The following JRK variants were observed in gnomAD, a reference collection of about 807,000 sequenced individuals.
JRK encodes the protein Jrk helix-turn-helix protein, also known as jerky protein homolog.
For missense variants in JRK, 720 were observed against 509.2 expected (o/e 1.41, Z -3.98); for synonymous variants, 303 against 218.1 (o/e 1.39, Z -3.43).
rs782797140 is a variant in JRK, at chr8:142,665,408, G to C, written c.651C>G (p.Thr217=). 5.6e-5 allele frequency: 40 copies of C among 717,584 alleles called. No individual in the cohort carries two copies. The highest frequency in any genetic ancestry group is 1.6e-4 in the South Asian group (11 of 67,600). The allele number at this position is 717,584 out of a possible 1,614,324, so 44.5% of individuals were successfully genotyped here. A position where few individuals can be genotyped will look rare whatever the true frequency, so the allele number is the denominator to read the frequency against. The change falls in exon 2 of 2, where the codon ACC becomes ACG. Residue 217 remains threonine (T), a synonymous_variant. Coordinates refer to ENST00000612905, the MANE Select transcript of JRK (RefSeq NM_003724.4). ...CCGTGGCGTTGGCACACATCAGCAC[G>C]GTCAGCCGGTCCTTGCCCTGCTTGG... ...PGPKQGKDRL[T]VLMCANATGS... is the part of the protein sequence containing the mutation.
In JRK at chr8:142,661,207, G is replaced by C; in HGVS notation, c.*3145C>G. On this transcript the variant is annotated 3_prime_UTR_variant, in exon 2 of 2. Coordinates refer to ENST00000612905, the MANE Select transcript of JRK (RefSeq NM_003724.4). ...AGACAACTTCCAGGACAGCGTGCCT[G>C]GGGTGCTCGCAGAAGGCCAGGCTGG... 1 of 985,580 alleles carries C rather than the reference G, an allele frequency of 1.0e-6. No homozygotes were observed. The highest frequency in any genetic ancestry group is 1.2e-6 in the Non-Finnish European group (1 of 830,054). 61.1% of individuals were successfully genotyped at this position (985,580 alleles called of 1,614,324 possible).
downstream of JRK, among the ~76,000 whole-genome samples, chr8:142,655,329 T>C (rs187784704): frequency 1.2e-3 from 182 of 152,342 alleles, no homozygotes; most frequent in African/African-American, 4.2e-3. Context: ...TGTGTGAAGG[T>C]TGGGCCCTGC....
Position 142,659,624 on chromosome 8 carries a change from G to A in JRK, c.*4728C>T, listed in dbSNP as rs1206233236. ...GCAGGGGCCATACCCAGATTCAGAG[G>A]CTCAGGACCACCACGGAACTGAAAG... On this transcript the variant is annotated 3_prime_UTR_variant, in exon 2 of 2. Coordinates refer to ENST00000612905, the MANE Select transcript of JRK (RefSeq NM_003724.4). The A allele has an allele frequency of 4.1e-6, 4 of 985,568 alleles. No homozygotes were observed. The highest frequency in any genetic ancestry group is 5.2e-4 in the Middle Eastern group (1 of 1,916). 61.1% of individuals were successfully genotyped at this position (985,568 alleles called of 1,614,324 possible). A position where few individuals can be genotyped will look rare whatever the true frequency, so the allele number is the denominator to read the frequency against.
downstream of JRK, among the ~76,000 whole-genome samples, chr8:142,655,263 C>T (rs781927803): frequency 4.6e-5 from 7 of 152,198 alleles, no homozygotes; most frequent in East Asian, 1.9e-4. Context: ...TTGCTGTGAC[C>T]GCTGGCCTGG....
In JRK at chr8:142,659,390, G is replaced by A. The variant is rs898516700; in HGVS notation, c.*4962C>T. On this transcript the variant is annotated 3_prime_UTR_variant, in exon 2 of 2. Transcript: ENST00000612905. ...CTACTAAGGAGGCCCAACGATCCTC[G>A]CCTGTGTGGGACGGGGCTACCTGCA... is the stretch of plus-strand genomic sequence containing the variant. The A allele has an allele frequency of 3.3e-5, 33 of 988,794 alleles. No homozygotes were observed. In the East Asian group the frequency reaches 5.6e-4, roughly 17 times the overall value. 61.3% of individuals were successfully genotyped at this position (988,794 alleles called of 1,614,324 possible).
chr8:142,652,933 C>A (rs1846692192), downstream of JRK, among the ~76,000 whole-genome samples: 1 of 152,180 alleles, frequency 6.6e-6, no homozygotes, highest in Admixed American at 6.5e-5. Context: ...TCTGTGAAGG[C>A]CCCAGTACTG....
intron 1 of JRK, among the ~76,000 whole-genome samples, chr8:142,666,837 G>A (rs1367900747): frequency 6.6e-6 from 1 of 152,330 alleles, no homozygotes; most frequent in African/African-American, 2.4e-5. Context: ...TCAGGCAGAA[G>A]CCATCAGAGG....
chr8:142,660,159 C>T lies in JRK; in HGVS notation c.*4193G>A, dbSNP rs1236585206. The T allele has an allele frequency of 2.0e-6, 2 of 985,492 alleles. No individual in the cohort carries two copies. The highest frequency in any genetic ancestry group is 3.5e-5 in the African/African-American group (2 of 57,230). 61.0% of individuals were successfully genotyped at this position (985,492 alleles called of 1,614,324 possible). Reference sequence around the variant, plus strand: ...CACAGGTCCATTCTCCCCAGCCTCCCAGTAGGCAGCTGAGTCCAACGCAGT... The same window carrying T: ...CACAGGTCCATTCTCCCCAGCCTCCTAGTAGGCAGCTGAGTCCAACGCAGT... On this transcript the variant is annotated 3_prime_UTR_variant, in exon 2 of 2. Coordinates refer to ENST00000612905, the MANE Select transcript of JRK (RefSeq NM_003724.4).
At chr8:142,649,626 T>C in the JRK span, among the ~76,000 whole-genome samples, 1 of 152,228 alleles carries the variant, frequency 6.6e-6, no homozygotes, top group South Asian at 2.1e-4. Context: ...GCCCCAAGCC[T>C]TGGCAGCTTC....
rs1323352449 is a variant in JRK at position 142,659,351 on chromosome 8, C to T, written c.*5001G>A. The T allele has an allele frequency of 2.0e-6, 2 of 992,268 alleles. No homozygotes were observed. The highest frequency in any genetic ancestry group is 2.4e-6 in the Non-Finnish European group (2 of 834,146). 61.5% of individuals were successfully genotyped at this position (992,268 alleles called of 1,614,324 possible). ...GGGCAACACATTCCCTGCTCTGGAC[C>T]TCAGTTCCTTTGGCTACTAAGGAGG... On this transcript the variant is annotated 3_prime_UTR_variant, in exon 2 of 2. Transcript: ENST00000612905.
Position 142,660,573 on chromosome 8 carries a change from T to C in JRK, c.*3779A>G. 1.4e-6 allele frequency: 1 copy of C among 722,300 alleles called. No homozygotes were observed. The highest frequency in any genetic ancestry group is 1.7e-6 in the Non-Finnish European group (1 of 591,336). The allele number at this position is 722,300 out of a possible 1,614,324, so 44.7% of individuals were successfully genotyped here. On this transcript the variant is annotated 3_prime_UTR_variant, in exon 2 of 2. Transcript: ENST00000612905. Reference sequence around the variant, plus strand: ...TGCCACCACACCTGGCTCATTTTCTTTTACTTTCTGTAGAGATGGGGTCTC... The same window carrying C: ...TGCCACCACACCTGGCTCATTTTCTCTTACTTTCTGTAGAGATGGGGTCTC...
downstream of JRK, among the ~76,000 whole-genome samples, chr8:142,656,646 G>C (rs1225520782): frequency 6.6e-6 from 1 of 152,176 alleles, no homozygotes; most frequent in East Asian, 1.9e-4. Flanking sequence ...CTGTTTTTGA[G>C]AGCACCCTTA....
At chr8:142,647,522 G>A in the JRK span, among the ~76,000 whole-genome samples, 45 of 152,252 alleles carry the variant, frequency 3.0e-4, no homozygotes, top group African/African-American at 8.4e-4. Flanking sequence ...AGATTTGATG[G>A]TTTTAAAAAT....
chr8:142,643,782 C>T, the JRK span, among the ~76,000 whole-genome samples: 68 of 152,326 alleles, frequency 4.5e-4, no homozygotes, highest in African/African-American at 1.6e-3. Context: ...CCAGTTTCTC[C>T]AAGTGTGTCC....
chr8:142,669,063 G>C (rs913719641), intron 1 of JRK, among the ~76,000 whole-genome samples: 3 of 152,124 alleles, frequency 2.0e-5, no homozygotes, highest in Non-Finnish European at 4.4e-5. Context: ...AGAAACGGGA[G>C]GCCTGAGGGG....
At position 142,664,858 on chromosome 8, in the gene JRK, ACTC is replaced by A. The variant is rs1847044286; in HGVS notation, c.1198_1200del (p.Glu400del). Reference sequence around the variant, plus strand: ...TTCACTGGGAAGCACTCTGCCTCCAACTCCTCCTCAGAGGAGGAGCCTTCGGCA... The same window carrying A: ...TTCACTGGGAAGCACTCTGCCTCCAACTCCTCAGAGGAGGAGCCTTCGGCA... On this transcript the variant is annotated inframe_deletion, in exon 2 of 2. Transcript: ENST00000612905. 2.0e-6 allele frequency: 3 copies of A among 1,512,378 alleles called. No individual in the cohort carries two copies. The highest frequency in any genetic ancestry group is 2.3e-5 in the East Asian group (1 of 44,208). The allele number at this position is 1,512,378 out of a possible 1,614,324, so 93.7% of individuals were successfully genotyped here. A position where few individuals can be genotyped will look rare whatever the true frequency, so the allele number is the denominator to read the frequency against.
intron 1 of JRK, among the ~76,000 whole-genome samples, chr8:142,669,283 G>C (rs1362347074): frequency 1.3e-5 from 2 of 151,998 alleles, no homozygotes; most frequent in East Asian, 3.9e-4. Context: ...GGGAAGAGGT[G>C]AGCTGGGGGT....
rs1285392298 is a variant in JRK, at chr8:142,659,363, G to A, written c.*4989C>T. On this transcript the variant is annotated 3_prime_UTR_variant, in exon 2 of 2. Transcript: ENST00000612905. ...CCCTGCTCTGGACCTCAGTTCCTTT[G>A]GCTACTAAGGAGGCCCAACGATCCT... 19 of 990,778 alleles carry A rather than the reference G, an allele frequency of 1.9e-5. No individual in the cohort carries two copies. The highest frequency in any genetic ancestry group is 2.2e-5 in the Non-Finnish European group (18 of 833,278). The allele number at this position is 990,778 out of a possible 1,614,324, so 61.4% of individuals were successfully genotyped here.
chr8:142,666,922 C>A (rs1847145269), intron 1 of JRK, among the ~76,000 whole-genome samples: 1 of 151,808 alleles, frequency 6.6e-6, no homozygotes, highest in South Asian at 2.1e-4. Flanking sequence ...CTTGCTGTAA[C>A]TGCTCGCTGG....
Sources: allele counts gnomAD v4.1 joint callset (sites outside exome capture counted in the v4.1 genomes callset), GRCh38; gene constraint gnomAD v4.1.1; transcripts MANE v1.5; gene names NCBI Gene and HGNC (gene_info 2026-07-23, HGNC 2026-07-21).